HTRA1: variants seen among roughly 807,000 people sequenced by gnomAD.
The protein encoded by HTRA1 is serine protease HTRA1.
In HTRA1, 26 loss-of-function variants were observed where a neutral mutation model predicts 49.7. That is an observed-to-expected ratio of 0.52 (90% CI 0.38 to 0.73). HTRA1 has a LOEUF of 0.73. HTRA1 is among the 30% of genes least tolerant of loss of function. HTRA1 has a pLI of 0.00. For synonymous variants in HTRA1, 291 were observed against 286.9 expected (o/e 1.01, Z -0.14); for missense variants, 561 against 667.2 (o/e 0.84, Z 1.75).
chr10:122,478,328 C>T (rs1273334950), intron 1 of HTRA1, among the ~76,000 whole-genome samples: 3 of 151,756 alleles, frequency 2.0e-5, no homozygotes, highest in Admixed American at 6.6e-5. Context: ...GGTACCTTGC[C>T]TCCCTGCAGG....
In HTRA1 at chr10:122,468,396, GTCATTGTCA is replaced by G. The variant is rs1458389745; in HGVS notation, c.472+6277_472+6285del. Among the ~76,000 whole-genome samples the G allele has an allele frequency of 1.4e-4, 18 of 129,544 alleles. No homozygotes were observed. The South Asian group carries it at 2.7e-3, about 20-fold the overall frequency. 85.0% of individuals were successfully genotyped at this position (129,544 alleles called of 152,430 possible). On this transcript the variant is annotated intron_variant, in intron 1 of 8. Coordinates refer to ENST00000368984, the MANE Select transcript of HTRA1 (RefSeq NM_002775.5). ...AGAACTCAGGCAATATTAGCGTGTT[GTCATTGTCA>G]TCATCATCATCATCATCATCATCAT... is the stretch of plus-strand genomic sequence containing the variant.
intron 6 of HTRA1, 144 bp downstream of exon 6, chr10:122,508,914 T>A (rs2097504362): frequency 1.5e-6 from 1 of 653,410 alleles, no homozygotes; most frequent in African/African-American, 1.8e-5. Context: ...GAATGCACAT[T>A]ACTAAATCCC....
intron 1 of HTRA1, among the ~76,000 whole-genome samples, chr10:122,479,332 G>T (rs1156645503): frequency 6.6e-6 from 1 of 152,144 alleles, no homozygotes; most frequent in East Asian, 1.9e-4. Context: ...AGACAGATGG[G>T]GTTAGGCTCT....
chr10:122,482,587 G>T (rs2097491459), intron 1 of HTRA1, among the ~76,000 whole-genome samples: 1 of 151,954 alleles, frequency 6.6e-6, no homozygotes, highest in Non-Finnish European at 1.5e-5. Context: ...TGGCATTTTT[G>T]CCTTAAAGAT....
chr10:122,469,469 C>G (rs2097485179), intron 1 of HTRA1, among the ~76,000 whole-genome samples: 1 of 152,220 alleles, frequency 6.6e-6, no homozygotes, highest in Non-Finnish European at 1.5e-5. Flanking sequence ...CCTCAATGTT[C>G]AGCGGTCACA....
intron 1 of HTRA1, among the ~76,000 whole-genome samples, chr10:122,463,991 G>A (rs1227140129): frequency 2.0e-5 from 3 of 152,184 alleles, no homozygotes; most frequent in Non-Finnish European, 4.4e-5. Flanking sequence ...GCTGTGCCCC[G>A]TGCCCTGTGC....
intron 1 of HTRA1, among the ~76,000 whole-genome samples, chr10:122,485,861 C>T (rs2097492880): frequency 6.6e-6 from 1 of 152,236 alleles, no homozygotes; most frequent in African/African-American, 2.4e-5. Context: ...ACCACGCTGT[C>T]TCTGTGTTCT....
intron 8 of HTRA1, 75 bp from the exon 9 acceptor site, chr10:122,514,116 C>T: frequency 1.4e-6 from 2 of 1,414,746 alleles, no homozygotes; most frequent in Non-Finnish European, 2.0e-6. Context: ...TAAGCTGTGC[C>T]TCTGTCCATG....
intron 8 of HTRA1, among the ~76,000 whole-genome samples, chr10:122,513,927 C>T (rs1188047391): frequency 2.7e-5 from 4 of 146,080 alleles, no homozygotes; most frequent in Non-Finnish European, 6.0e-5. Context: ...TTAGTAGAGA[C>T]GGGGCTTCAC....
rs368561258 is a variant in HTRA1 at position 122,488,784 on chromosome 10, C to T, written c.473-118C>T. ...AGCCCAGGTGGGGGAATTGCGCTCA[C>T]TCCGCCTTCAGAATTCCAAAGGCTG... On this transcript the variant is annotated intron_variant, in intron 1 of 8. Coordinates refer to ENST00000368984, the MANE Select transcript of HTRA1 (RefSeq NM_002775.5). 59 of 870,104 alleles carry T rather than the reference C, an allele frequency of 6.8e-5. No individual in the cohort carries two copies. The Middle Eastern group carries it at 2.2e-3, about 33-fold the overall frequency. 53.9% of individuals were successfully genotyped at this position (870,104 alleles called of 1,614,324 possible). A position where few individuals can be genotyped will look rare whatever the true frequency, so the allele number is the denominator to read the frequency against.
intron 1 of HTRA1, among the ~76,000 whole-genome samples, chr10:122,483,511 T>C (rs1031640550): frequency 7.9e-5 from 12 of 152,258 alleles, no homozygotes; most frequent in Non-Finnish European, 7.3e-5. Context: ...CATGTAGCAC[T>C]GTATAAGTCA....
chr10:122,491,674 G>A (rs1196234801), intron 3 of HTRA1, among the ~76,000 whole-genome samples: 6 of 152,256 alleles, frequency 3.9e-5, no homozygotes, highest in East Asian at 1.9e-4. Context: ...CTGGCAAGAC[G>A]TGAACGATCT....
chr10:122,472,299 C>T (rs2097486460), intron 1 of HTRA1, among the ~76,000 whole-genome samples: 1 of 151,254 alleles, frequency 6.6e-6, no homozygotes, highest in African/African-American at 2.4e-5. Context: ...GTAATTTAAT[C>T]ATATGAAAAA....
Position 122,462,927 on chromosome 10 carries a change from G to C in HTRA1, c.472+803G>C, listed in dbSNP as rs538927075. Among the ~76,000 whole-genome samples the C allele has an allele frequency of 4.6e-5, 7 of 152,366 alleles. No homozygotes were observed. In the South Asian group the frequency reaches 1.4e-3, roughly 32 times the overall value. On this transcript the variant is annotated intron_variant, in intron 1 of 8. Coordinates refer to ENST00000368984, the MANE Select transcript of HTRA1 (RefSeq NM_002775.5). The stretch of plus-strand genomic sequence containing the variant: ...TCTGGCAGGGGAGACGGTGGTGATG[G>C]GGGAAGGAGTGGAATGGAGCAATGT...
chr10:122,508,841 G>A (rs1177525564), intron 6 of HTRA1, 71 bp downstream of exon 6: 1 of 945,034 alleles, frequency 1.1e-6, no homozygotes, highest in African/African-American at 1.6e-5. Flanking sequence ...TTTGGGACTT[G>A]GGGAAGGGAA....
intron 1 of HTRA1, among the ~76,000 whole-genome samples, chr10:122,488,323 T>G (rs1048203875): frequency 6.6e-6 from 1 of 152,114 alleles, no homozygotes; most frequent in Non-Finnish European, 1.5e-5. Context: ...ATCCTAGCAC[T>G]TTGGGAGGCC....
At chr10:122,489,031 C>T in intron 2 of HTRA1, 30 bp downstream of exon 2, 1 of 1,524,420 alleles carries the variant, frequency 6.6e-7, no homozygotes, top group Non-Finnish European at 9.1e-7. Context: ...TTCCTATAAC[C>T]TCCGAAGCTT....
At chr10:122,471,356 A>G (rs943571730) in intron 1 of HTRA1, among the ~76,000 whole-genome samples, 1 of 152,262 alleles carries the variant, frequency 6.6e-6, no homozygotes, top group East Asian at 1.9e-4. Flanking sequence ...TGTCTGTGGG[A>G]TTCTGTGACA....
intron 1 of HTRA1, among the ~76,000 whole-genome samples, chr10:122,480,012 G>A (rs757917609): frequency 6.6e-5 from 10 of 152,086 alleles, no homozygotes; most frequent in African/African-American, 1.2e-4. Context: ...AGACGGAAAC[G>A]CAGGTGACCT....
Sources: allele counts gnomAD v4.1 joint callset (sites outside exome capture counted in the v4.1 genomes callset), GRCh38; gene constraint gnomAD v4.1.1; transcripts MANE v1.5; gene names NCBI Gene and HGNC (gene_info 2026-07-23, HGNC 2026-07-21).